UNC5D: variants seen among roughly 807,000 people sequenced by gnomAD.
The protein encoded by UNC5D is netrin receptor UNC5D.
A neutral mutation model predicts 105.4 loss-of-function variants in UNC5D; 39 were observed. That is an observed-to-expected ratio of 0.37 (90% CI 0.29 to 0.48). The LOEUF (loss-of-function observed/expected upper bound fraction) is 0.48. UNC5D is among the 20% of genes least tolerant of loss of function. The pLI, the probability that UNC5D is intolerant of heterozygous loss-of-function variation, is 0.98. For synonymous variants in UNC5D, 452 were observed against 450.4 expected (o/e 1.00, Z -0.04); for missense variants, 991 against 1,202.4 (o/e 0.82, Z 2.60).
chr8:35,245,930 G>T (rs1275278822), intron 1 of UNC5D, among the ~76,000 whole-genome samples: 1 of 152,022 alleles, frequency 6.6e-6, no homozygotes, highest in Non-Finnish European at 1.5e-5. Context: ...TCACAATTTT[G>T]ACTCAAAAGT....
intron 1 of UNC5D, among the ~76,000 whole-genome samples, chr8:35,273,025 C>T (rs1805525497): frequency 6.6e-6 from 1 of 152,124 alleles, no homozygotes. Flanking sequence ...TTGCTCTAAG[C>T]AAATTGTGGG....
At chr8:35,734,781 A>ATTTTTTT (rs1563718595) in intron 11 of UNC5D, among the ~76,000 whole-genome samples, 1 of 130,922 alleles carries the variant, frequency 7.6e-6, no homozygotes, top group African/African-American at 4.1e-5. Context: ...ACACACTTTA[A>ATTTTTTT]ATTTTTTTTT....
intron 1 of UNC5D, among the ~76,000 whole-genome samples, chr8:35,309,106 C>T (rs1808670047): frequency 6.6e-6 from 1 of 152,168 alleles, no homozygotes; most frequent in Non-Finnish European, 1.5e-5. Context: ...GCTGGGCTCT[C>T]ATTCTTCCTC....
intron 4 of UNC5D, among the ~76,000 whole-genome samples, chr8:35,633,307 G>T (rs1031812504): frequency 6.6e-6 from 1 of 152,130 alleles, no homozygotes; most frequent in African/African-American, 2.4e-5. Context: ...TCCCTTGGAG[G>T]TGTTCCCCTG....
At chr8:35,248,910 A>G (rs1803440859) in intron 1 of UNC5D, among the ~76,000 whole-genome samples, 1 of 92,066 alleles carries the variant, frequency 1.1e-5, no homozygotes, top group African/African-American at 4.9e-5. Flanking sequence ...AATATATTAT[A>G]TATAAACATA....
At chr8:35,296,582 G>C (rs562720901) in intron 1 of UNC5D, among the ~76,000 whole-genome samples, 3 of 152,168 alleles carry the variant, frequency 2.0e-5, no homozygotes, top group South Asian at 4.1e-4. Flanking sequence ...CCCATGACCA[G>C]CTAATATTTG....
intron 4 of UNC5D, among the ~76,000 whole-genome samples, chr8:35,657,269 A>G (rs968594159): frequency 6.6e-6 from 1 of 151,382 alleles, no homozygotes; most frequent in Non-Finnish European, 1.5e-5. Flanking sequence ...TATTTACACT[A>G]ATTTCCATTT....
At chr8:35,541,256 C>G (rs965915157) in intron 1 of UNC5D, among the ~76,000 whole-genome samples, 2 of 152,152 alleles carry the variant, frequency 1.3e-5, no homozygotes, top group African/African-American at 2.4e-5. Flanking sequence ...AGATCAGTTA[C>G]AGCTCAATGT....
intron 7 of UNC5D, among the ~76,000 whole-genome samples, chr8:35,701,918 A>AAT (rs903884779): frequency 2.7e-5 from 4 of 148,464 alleles, no homozygotes; most frequent in Admixed American, 1.4e-4. Flanking sequence ...TACAATATAT[A>AAT]ATATATATAT....
chr8:35,527,345 T>A (rs1246205137), intron 1 of UNC5D, among the ~76,000 whole-genome samples: 1 of 152,186 alleles, frequency 6.6e-6, no homozygotes, highest in African/African-American at 2.4e-5. Context: ...CAGACCACTA[T>A]AACAAAAATT....
chr8:35,265,939 ATGT>A (rs914208332), intron 1 of UNC5D, among the ~76,000 whole-genome samples: 1 of 151,530 alleles, frequency 6.6e-6, no homozygotes, highest in African/African-American at 2.4e-5. Flanking sequence ...TGTGTTAGAA[ATGT>A]TAGGGAGAGA....
At chr8:35,348,400 G>T (rs1811956977) in intron 1 of UNC5D, among the ~76,000 whole-genome samples, 1 of 151,796 alleles carries the variant, frequency 6.6e-6, no homozygotes, top group Non-Finnish European at 1.5e-5. Flanking sequence ...TACAAAGTCT[G>T]TTGGGGAGTA....
chr8:35,621,090 A>G (rs1821334561), intron 4 of UNC5D, among the ~76,000 whole-genome samples: 1 of 152,180 alleles, frequency 6.6e-6, no homozygotes, highest in African/African-American at 2.4e-5. Flanking sequence ...AGTTGTGACA[A>G]CCAAAAATGT....
intron 1 of UNC5D, among the ~76,000 whole-genome samples, chr8:35,406,282 A>C (rs1310865259): frequency 6.6e-6 from 1 of 152,174 alleles, no homozygotes; most frequent in Non-Finnish European, 1.5e-5. Flanking sequence ...TGTTTTCACT[A>C]TTTGCATCCT....
At chr8:35,737,623 T>G (rs1005226661) in intron 11 of UNC5D, among the ~76,000 whole-genome samples, 2 of 152,202 alleles carry the variant, frequency 1.3e-5, no homozygotes, top group Non-Finnish European at 2.9e-5. Context: ...ATTTAACTAG[T>G]AAGATGTCAT....
rs748409036 is a variant in UNC5D, at chr8:35,278,232, C to CT, written c.103+42347dup. ...AGATGCACTGGGAAAGTCACGTGTG[C>CT]TTCCGGCTGCCCTCTGGCCACACTC... On this transcript the variant is annotated intron_variant, in intron 1 of 16. Coordinates refer to ENST00000404895, the MANE Select transcript of UNC5D (RefSeq NM_080872.4). 2.0e-5 allele frequency among the ~76,000 whole-genome samples: 3 copies of CT among 152,176 alleles called. No individual in the cohort carries two copies. The East Asian group carries it at 5.8e-4, about 29-fold the overall frequency.
At chr8:35,565,737 A>C (rs1817288181) in intron 2 of UNC5D, among the ~76,000 whole-genome samples, 2 of 152,150 alleles carry the variant, frequency 1.3e-5, no homozygotes. Flanking sequence ...AATTTGAGTT[A>C]ATTGTTGTAT....
At chr8:35,253,593 T>A (rs1260664606) in intron 1 of UNC5D, among the ~76,000 whole-genome samples, 1 of 151,254 alleles carries the variant, frequency 6.6e-6, no homozygotes, top group Non-Finnish European at 1.5e-5. Flanking sequence ...TTCAAGCGAT[T>A]CTCCTGCCTC....
intron 1 of UNC5D, among the ~76,000 whole-genome samples, chr8:35,319,163 C>A (rs996068542): frequency 3.3e-5 from 5 of 152,188 alleles, no homozygotes; most frequent in African/African-American, 1.2e-4. Context: ...TCTGGATTTT[C>A]CCCCTTTGTA....
Sources: allele counts gnomAD v4.1 joint callset (sites outside exome capture counted in the v4.1 genomes callset), GRCh38; gene constraint gnomAD v4.1.1; transcripts MANE v1.5; gene names NCBI Gene and HGNC (gene_info 2026-07-23, HGNC 2026-07-21).